Variants in GRM8 observed in about 807,000 individuals in gnomAD.
GRM8 encodes glutamate metabotropic receptor 8, also known as metabotropic glutamate receptor 8.
A neutral mutation model predicts 87.2 loss-of-function variants in GRM8; 47 were observed. The ratio of observed to expected loss-of-function variants is 0.54; its 90% CI spans 0.43 to 0.69. The LOEUF (loss-of-function observed/expected upper bound fraction) is 0.69. Ranked by LOEUF, GRM8 falls within the 30% of genes least tolerant of loss-of-function variation. The pLI is 0.00. For missense variants in GRM8, 1,019 were observed against 1,139.2 expected (o/e 0.89, Z 1.52); for synonymous variants, 396 against 404.5 (o/e 0.98, Z 0.25).
At chr7:126,863,023 C>T (rs138479047) in intron 6 of GRM8, among the ~76,000 whole-genome samples, 1 of 152,092 alleles carries the variant, frequency 6.6e-6, no homozygotes, top group Non-Finnish European at 1.5e-5. Context: ...TCTGCTATTC[C>T]TCCTCTAACT....
chr7:127,052,222 A>G (rs1380182894), intron 3 of GRM8, among the ~76,000 whole-genome samples: 1 of 152,168 alleles, frequency 6.6e-6, no homozygotes, highest in Non-Finnish European at 1.5e-5. Context: ...TCCCATTTGC[A>G]AAATAGAAGG....
At chr7:127,091,991 C>T in intron 3 of GRM8, among the ~76,000 whole-genome samples, 1 of 89,714 alleles carries the variant, frequency 1.1e-5, no homozygotes, top group Non-Finnish European at 2.3e-5. Context: ...CTGATCATTC[C>T]CCGTCCCACT....
chr7:126,950,933 A>G (rs1364223678), intron 3 of GRM8, among the ~76,000 whole-genome samples: 1 of 150,264 alleles, frequency 6.7e-6, no homozygotes, highest in African/African-American at 2.4e-5. Context: ...TTTTTTTTTT[A>G]ACTGTCTTAT....
chr7:127,090,681 G>A (rs1051726199), intron 3 of GRM8, among the ~76,000 whole-genome samples: 8 of 150,830 alleles, frequency 5.3e-5, no homozygotes, highest in East Asian at 3.9e-4. Context: ...TCTGATTCCC[G>A]GCTCTCCTTC....
intron 9 of GRM8, among the ~76,000 whole-genome samples, chr7:126,509,268 T>C (rs771657370): frequency 3.3e-5 from 5 of 152,060 alleles, no homozygotes; most frequent in Admixed American, 6.6e-5. Flanking sequence ...GTTGGCTTCA[T>C]AGCTAATATC....
intron 3 of GRM8, among the ~76,000 whole-genome samples, chr7:127,102,943 A>C (rs1303392370): frequency 6.6e-6 from 1 of 152,032 alleles, no homozygotes; most frequent in African/African-American, 2.4e-5. Context: ...GCTCACTGCA[A>C]CCTCCACCTC....
intron 2 of GRM8, among the ~76,000 whole-genome samples, chr7:127,227,732 G>T (rs752942725): frequency 1.3e-5 from 2 of 152,164 alleles, no homozygotes; most frequent in Non-Finnish European, 2.9e-5. Flanking sequence ...CTCTTATCCA[G>T]TATCCTCCTC....
intron 2 of GRM8, among the ~76,000 whole-genome samples, chr7:127,234,512 C>A (rs1797874289): frequency 6.6e-6 from 1 of 152,224 alleles, no homozygotes; most frequent in South Asian, 2.1e-4. Flanking sequence ...AAAAAAGCTG[C>A]TGCCAGACAG....
At chr7:127,217,225 A>T (rs1443725417) in intron 2 of GRM8, among the ~76,000 whole-genome samples, 4 of 152,176 alleles carry the variant, frequency 2.6e-5, no homozygotes, top group African/African-American at 9.7e-5. Flanking sequence ...AACAAAAAAC[A>T]TCAACTAAGT....
At chr7:127,135,363 A>G (rs1016495920) in intron 2 of GRM8, among the ~76,000 whole-genome samples, 3 of 152,110 alleles carry the variant, frequency 2.0e-5, no homozygotes, top group African/African-American at 7.2e-5. Context: ...AAAATGTTCA[A>G]AATTTTAGGT....
chr7:126,548,306 A>G (rs933589838), intron 8 of GRM8, among the ~76,000 whole-genome samples: 12 of 139,260 alleles, frequency 8.6e-5, no homozygotes, highest in African/African-American at 1.3e-4. Context: ...CTAGAACTTA[A>G]AGTATAATAA....
intron 2 of GRM8, among the ~76,000 whole-genome samples, chr7:127,155,104 A>G (rs1279503398): frequency 1.3e-5 from 2 of 152,156 alleles, no homozygotes; most frequent in Non-Finnish European, 2.9e-5. Context: ...AAGTATAAGT[A>G]CGTTCCAAGG....
rs1824752898 is a variant in GRM8 at position 127,097,271 on chromosome 7, G to A, written c.727+9225C>T. 2.0e-5 allele frequency among the ~76,000 whole-genome samples: 3 copies of A among 152,204 alleles called. No individual in the cohort carries two copies. In the South Asian group the frequency reaches 6.2e-4, roughly 32 times the overall value. On this transcript the variant is annotated intron_variant, in intron 3 of 10. Transcript: ENST00000339582. ...AACCCTTTTAAAGTGGCAACTGAAT[G>A]GTCACATTCAAGTAGAAGCAACTGT...
chr7:126,752,964 G>C (rs147042420), intron 7 of GRM8, among the ~76,000 whole-genome samples: 71 of 152,150 alleles, frequency 4.7e-4, no homozygotes, highest in Middle Eastern at 6.8e-3. Context: ...CTGAGGACAG[G>C]GATTGTGGTT....
At chr7:126,608,555 CTG>C (rs1798591009) in intron 8 of GRM8, among the ~76,000 whole-genome samples, 1 of 152,104 alleles carries the variant, frequency 6.6e-6, no homozygotes, top group Admixed American at 6.6e-5. Flanking sequence ...TTAATGGACA[CTG>C]GACCTGAAGA....
intron 6 of GRM8, among the ~76,000 whole-genome samples, chr7:126,890,438 TAC>T (rs1423362740): frequency 1.3e-5 from 2 of 152,194 alleles, no homozygotes; most frequent in Non-Finnish European, 2.9e-5. Context: ...CTCACATATC[TAC>T]AAGAAAAGCC....
At chr7:126,658,697 C>T (rs1422653169) in intron 7 of GRM8, among the ~76,000 whole-genome samples, 1 of 151,498 alleles carries the variant, frequency 6.6e-6, no homozygotes, top group Admixed American at 6.6e-5. Flanking sequence ...GATGTATGTG[C>T]TCTAAGGAAC....
At chr7:127,061,431 A>G (rs1820585206) in intron 3 of GRM8, among the ~76,000 whole-genome samples, 1 of 152,210 alleles carries the variant, frequency 6.6e-6, no homozygotes, top group South Asian at 2.1e-4. Flanking sequence ...AAATACATTA[A>G]CATTTTCAAG....
At chr7:127,175,328 A>C (rs1295608861) in intron 2 of GRM8, among the ~76,000 whole-genome samples, 1 of 152,126 alleles carries the variant, frequency 6.6e-6, no homozygotes, top group Non-Finnish European at 1.5e-5. Flanking sequence ...CTAAAATGCA[A>C]AAAGAAAAAA....
Sources: gnomAD v4.1 joint callset for allele counts (sites outside exome capture counted in the v4.1 genomes callset) on GRCh38, gnomAD v4.1.1 for gene constraint, MANE v1.5 for transcripts, NCBI Gene and HGNC (gene_info 2026-07-23, HGNC 2026-07-21) for gene names.